KCTD20: variants seen among roughly 807,000 people sequenced by gnomAD.
KCTD20 encodes BTB/POZ domain-containing protein KCTD20.
Under a neutral mutation model 39.6 loss-of-function variants are expected in KCTD20, and 30 were observed. The observed-to-expected ratio is 0.76, with a 90% CI of 0.57 to 1.03. The LOEUF (loss-of-function observed/expected upper bound fraction) is 1.03. KCTD20 is among the 50% of genes least tolerant of loss of function. The pLI is 0.00. For synonymous variants in KCTD20, 162 were observed against 180.6 expected, an observed-to-expected ratio of 0.90 and a Z score of 0.83; for missense variants, 422 against 522.0, an observed-to-expected ratio of 0.81 and a Z score of 1.87.
rs570822686 is a variant in KCTD20 at position 36,453,096 on chromosome 6, C to T, written c.-47+9985C>T. Among the ~76,000 whole-genome samples, 151 of 151,042 alleles carry T rather than the reference C, an allele frequency of 1.0e-3. 1 individual carries two copies. Among genetic ancestry groups the T allele is most frequent in the African/African-American group, 3.6e-3 (147 of 41,122 alleles). ...GATCTTGGCTCACGGCAACCTCCGC[C>T]TCCCAGGCTCAAGCAATTTGAGTGC... On this transcript the variant is annotated intron_variant, in intron 1 of 7. Transcript: ENST00000373731.
intron 1 of KCTD20, among the ~76,000 whole-genome samples, chr6:36,446,406 T>C (rs1022788542): frequency 4.6e-5 from 7 of 152,204 alleles, no homozygotes; most frequent in Non-Finnish European, 1.5e-5. Flanking sequence ...TGTTAAATGC[T>C]TGAGCAATGC....
intron 1 of KCTD20, among the ~76,000 whole-genome samples, chr6:36,461,369 G>A (rs1248571805): frequency 6.6e-6 from 1 of 152,158 alleles, no homozygotes; most frequent in Non-Finnish European, 1.5e-5. Flanking sequence ...CAGGAAAAGA[G>A]CATCTATTAA....
chr6:36,450,492 A>C (rs1421191449), intron 1 of KCTD20, among the ~76,000 whole-genome samples: 1 of 151,746 alleles, frequency 6.6e-6, no homozygotes, highest in Non-Finnish European at 1.5e-5. Flanking sequence ...TGTCTCAAAA[A>C]AAAAAAAAAG....
chr6:36,480,327 T>C (rs1036698241), intron 5 of KCTD20, among the ~76,000 whole-genome samples: 2 of 151,908 alleles, frequency 1.3e-5, no homozygotes, highest in Non-Finnish European at 2.9e-5. Context: ...CAAACAAGGA[T>C]ACTGATTGTC....
intron 7 of KCTD20, among the ~76,000 whole-genome samples, chr6:36,485,085 G>A (rs1339256641): frequency 1.3e-5 from 2 of 152,202 alleles, no homozygotes; most frequent in Non-Finnish European, 2.9e-5. Context: ...GACAGTGGTA[G>A]GGAGATACAG....
At chr6:36,455,192 G>T (rs924050938) in intron 1 of KCTD20, among the ~76,000 whole-genome samples, 6 of 151,912 alleles carry the variant, frequency 3.9e-5, no homozygotes, top group Admixed American at 1.3e-4. Context: ...CGGATCACCT[G>T]AGGTCAGGAG....
At chr6:36,444,800 G>C (rs1344842971) in intron 1 of KCTD20, among the ~76,000 whole-genome samples, 1 of 152,178 alleles carries the variant, frequency 6.6e-6, no homozygotes, top group Non-Finnish European at 1.5e-5. Context: ...GCAGAAATGA[G>C]GGCTGGATAA....
chr6:36,467,628 G>A (rs1400202938), intron 1 of KCTD20, among the ~76,000 whole-genome samples: 1 of 151,754 alleles, frequency 6.6e-6, no homozygotes, highest in African/African-American at 2.4e-5. Context: ...GAGCCACCGT[G>A]CCTGGCTCTG....
At chr6:36,472,234 G>C (rs1775933337) in intron 2 of KCTD20, among the ~76,000 whole-genome samples, 1 of 152,178 alleles carries the variant, frequency 6.6e-6, no homozygotes, top group African/African-American at 2.4e-5. Context: ...TGGGTTACCT[G>C]GTGATTGCCT....
At chr6:36,457,303 C>T (rs1775466856) in intron 1 of KCTD20, among the ~76,000 whole-genome samples, 1 of 152,180 alleles carries the variant, frequency 6.6e-6, no homozygotes, top group Non-Finnish European at 1.5e-5. Flanking sequence ...CAGAGATTCC[C>T]ACATTACTTG....
Position 36,479,779 on chromosome 6 carries a change from ATTTTTTTTTTTT to A in KCTD20, c.658+87_658+98del, listed in dbSNP as rs58609674. 2.9e-4 allele frequency: 79 copies of A among 268,418 alleles called. 1 individual carries two copies. The highest frequency in any genetic ancestry group is 1.4e-3 in the African/African-American group (27 of 18,746). The allele number at this position is 268,418 out of a possible 1,614,324, so 16.6% of individuals were successfully genotyped here. ...CTTTCAGTTTTCTTGGAAGTCACCG[ATTTTTTTTTTTT>A]TTTTTTTTTTTTTTTTTTGAGACAG... On this transcript the variant is annotated intron_variant, in intron 5 of 7. Coordinates refer to ENST00000373731, the MANE Select transcript of KCTD20 (RefSeq NM_173562.5).
At chr6:36,453,407 CCTTA>C (rs1775327571) in intron 1 of KCTD20, among the ~76,000 whole-genome samples, 1 of 151,904 alleles carries the variant, frequency 6.6e-6, no homozygotes, top group African/African-American at 2.4e-5. Context: ...TAATTTCTGC[CCTTA>C]TTTCTTTCCT....
At chr6:36,467,996 T>A (rs1410204688) in intron 1 of KCTD20, among the ~76,000 whole-genome samples, 3 of 152,210 alleles carry the variant, frequency 2.0e-5, no homozygotes, top group Non-Finnish European at 4.4e-5. Flanking sequence ...TAATAAAGTC[T>A]GAAAGGATTC....
intron 1 of KCTD20, among the ~76,000 whole-genome samples, chr6:36,463,967 T>C (rs916012828): frequency 3.3e-5 from 5 of 152,218 alleles, no homozygotes; most frequent in African/African-American, 1.2e-4. Flanking sequence ...GTAAATGTTT[T>C]ACATATTCAG....
In KCTD20 at chr6:36,484,696, A is replaced by C. The variant is rs774745690; in HGVS notation, c.857-18A>C. ...AGGTCTTTACTCCATGGCTAACCCTATATTTTTTCTTTTTCAGTTCTTTAT... is the reference window on the plus strand; with the variant it reads ...AGGTCTTTACTCCATGGCTAACCCTCTATTTTTTCTTTTTCAGTTCTTTAT... On this transcript the variant is annotated intron_variant, in intron 6 of 7. Coordinates refer to ENST00000373731, the MANE Select transcript of KCTD20 (RefSeq NM_173562.5). 6 of 1,222,316 alleles carry C rather than the reference A, an allele frequency of 4.9e-6. No homozygotes were observed. The highest frequency in any genetic ancestry group is 5.9e-6 in the Non-Finnish European group (5 of 840,922). The allele number at this position is 1,222,316 out of a possible 1,614,324, so 75.7% of individuals were successfully genotyped here.
At chr6:36,486,736 G>C in intron 7 of KCTD20, 147 bp from the exon 8 acceptor site, 1 of 701,026 alleles carries the variant, frequency 1.4e-6, no homozygotes, top group Non-Finnish European at 2.5e-6. Flanking sequence ...CTGGGGCTGG[G>C]AAAGCATGGG....
Position 36,487,371 on chromosome 6 carries a change from A to G in KCTD20, c.*196A>G. The G allele has an allele frequency of 1.7e-6, 1 of 588,428 alleles. No individual in the cohort carries two copies. The highest frequency in any genetic ancestry group is 1.9e-5 in the African/African-American group (1 of 53,928). The allele number at this position is 588,428 out of a possible 1,614,324, so 36.5% of individuals were successfully genotyped here. ...GGGGATGAAGAAGTACTCACTGGTA[A>G]TTAGCTACCATCTTTGCAGCAGCCC... is the stretch of plus-strand genomic sequence containing the variant. On this transcript the variant is annotated 3_prime_UTR_variant, in exon 8 of 8. Transcript: ENST00000373731.
chr6:36,480,789 G>A (rs1355531072), intron 5 of KCTD20, among the ~76,000 whole-genome samples: 1 of 152,184 alleles, frequency 6.6e-6, no homozygotes, highest in Non-Finnish European at 1.5e-5. Context: ...CTGACCTCAA[G>A]TGATCTGCCA....
chr6:36,463,768 T>G (rs569137843), intron 1 of KCTD20, among the ~76,000 whole-genome samples: 1 of 152,286 alleles, frequency 6.6e-6, no homozygotes, highest in African/African-American at 2.4e-5. Context: ...CCTCCAGAAC[T>G]GTGAGAAAAG....
Sources: allele counts gnomAD v4.1 joint callset (sites outside exome capture counted in the v4.1 genomes callset), GRCh38; gene constraint gnomAD v4.1.1; transcripts MANE v1.5; gene names NCBI Gene and HGNC (gene_info 2026-07-23, HGNC 2026-07-21).